Variants in LITAF observed in about 807,000 individuals in gnomAD.
LITAF encodes lipopolysaccharide-induced tumor necrosis factor-alpha factor.
A neutral mutation model predicts 14.5 loss-of-function variants in LITAF; 9 were observed. The observed-to-expected ratio is 0.62, with a 90% CI of 0.37 to 1.08. The LOEUF (loss-of-function observed/expected upper bound fraction) is 1.08, where lower values mean the gene tolerates loss of function less well. Ranked by LOEUF, LITAF falls within the 50% of genes least tolerant of loss-of-function variation. LITAF has a pLI of 0.01. For missense variants in LITAF, 206 were observed against 213.4 expected (o/e 0.97, Z 0.22); for synonymous variants, 98 against 88.2 (o/e 1.11, Z -0.62).
intron 3 of LITAF, among the ~76,000 whole-genome samples, chr16:11,609,457 A>G (rs1349894121): frequency 1.3e-5 from 2 of 151,752 alleles, no homozygotes; most frequent in Non-Finnish European, 2.9e-5. Context: ...CAAGTGATCC[A>G]CCCGTCTCGG....
chr16:11,628,882 G>T (rs2065101692), intron 3 of LITAF, among the ~76,000 whole-genome samples: 1 of 152,140 alleles, frequency 6.6e-6, no homozygotes, highest in South Asian at 2.1e-4. Flanking sequence ...CGCCATATTG[G>T]CCAGGCTGGT....
intron 3 of LITAF, among the ~76,000 whole-genome samples, chr16:11,626,747 C>T (rs2065086403): frequency 6.6e-6 from 1 of 152,240 alleles, no homozygotes; most frequent in Admixed American, 6.5e-5. Context: ...GCTAGGATTA[C>T]AGGCGTGAGC....
upstream of LITAF, among the ~76,000 whole-genome samples, chr16:11,599,641 G>T: frequency 6.6e-6 from 1 of 152,204 alleles, no homozygotes; most frequent in South Asian, 2.1e-4. Context: ...TCTCCCCAAA[G>T]CCCAGAGAGG....
intron 3 of LITAF, among the ~76,000 whole-genome samples, chr16:11,551,263 C>T (rs920742296): frequency 1.1e-4 from 16 of 152,166 alleles, no homozygotes; most frequent in Non-Finnish European, 1.9e-4. Context: ...ATCCATTCAG[C>T]AGGAATCCTA....
intron 3 of LITAF, among the ~76,000 whole-genome samples, chr16:11,609,047 G>A (rs1483431527): frequency 6.6e-6 from 1 of 152,026 alleles, no homozygotes; most frequent in East Asian, 1.9e-4. Context: ...AATTCACAGA[G>A]ACAGAAAGCG....
In LITAF at chr16:11,554,196, C is replaced by A. The variant is rs553954017; in HGVS notation, c.221-507G>T. 2.0e-5 allele frequency among the ~76,000 whole-genome samples: 3 copies of A among 152,246 alleles called. No homozygotes were observed. In the South Asian group the frequency reaches 6.2e-4, roughly 32 times the overall value. On this transcript the variant is annotated intron_variant, in intron 2 of 3. Transcript: ENST00000622633. ...GCAGTGAATCATGATTGCGCCACTG[C>A]TCTCCAGCCTGGACAACAGAGCGAC... is the stretch of plus-strand genomic sequence containing the variant.
intron 1 of LITAF, among the ~76,000 whole-genome samples, chr16:11,576,261 G>C (rs2064630786): frequency 6.6e-6 from 1 of 152,090 alleles, no homozygotes; most frequent in African/African-American, 2.4e-5. Context: ...TTGAGGTCAG[G>C]AGTTCGAGAC....
chr16:11,597,564 G>T (rs1474401554), intron 1 of LITAF, among the ~76,000 whole-genome samples: 1 of 152,164 alleles, frequency 6.6e-6, no homozygotes, highest in African/African-American at 2.4e-5. Context: ...GGCAGCAGTA[G>T]GATTTGAACC....
chr16:11,628,205 C>T (rs1335571435), intron 3 of LITAF, among the ~76,000 whole-genome samples: 2 of 152,156 alleles, frequency 1.3e-5, no homozygotes, highest in African/African-American at 2.4e-5. Context: ...TCCTGCCCAA[C>T]AGCCATGACT....
intron 3 of LITAF, among the ~76,000 whole-genome samples, chr16:11,550,716 G>A (rs1218490446): frequency 6.6e-6 from 1 of 151,676 alleles, no homozygotes; most frequent in African/African-American, 2.4e-5. Flanking sequence ...GGCTGGTCTT[G>A]AACTGCTGGC....
At chr16:11,571,463 G>A (rs2064540449) in intron 1 of LITAF, among the ~76,000 whole-genome samples, 1 of 152,158 alleles carries the variant, frequency 6.6e-6, no homozygotes, top group Non-Finnish European at 1.5e-5. Flanking sequence ...TGAGTTCAGG[G>A]TAATGAGTTA....
chr16:11,611,049 G>T (rs1395116333), intron 3 of LITAF, among the ~76,000 whole-genome samples: 1 of 152,032 alleles, frequency 6.6e-6, no homozygotes, highest in Non-Finnish European at 1.5e-5. Context: ...CCCAGATACG[G>T]TTTCCAGAAA....
At chr16:11,588,007 G>C (rs1017610476), upstream of LITAF, among the ~76,000 whole-genome samples, 1 of 152,136 alleles carries the variant, frequency 6.6e-6, no homozygotes, top group African/African-American at 2.4e-5. Flanking sequence ...GGCCCAGATA[G>C]GGAGTGTGGC....
At chr16:11,571,419 C>G (rs2064539916) in intron 1 of LITAF, among the ~76,000 whole-genome samples, 1 of 152,186 alleles carries the variant, frequency 6.6e-6, no homozygotes, top group Non-Finnish European at 1.5e-5. Context: ...GGCTCCAGAA[C>G]TGGAAGATAC....
chr16:11,612,142 C>T (rs1217574205), intron 3 of LITAF, among the ~76,000 whole-genome samples: 1 of 152,220 alleles, frequency 6.6e-6, no homozygotes, highest in African/African-American at 2.4e-5. Flanking sequence ...AGGGTGGAAA[C>T]AGGGTCTCAA....
chr16:11,616,143 T>C (rs2065018664), intron 3 of LITAF, among the ~76,000 whole-genome samples: 1 of 152,144 alleles, frequency 6.6e-6, no homozygotes, highest in Admixed American at 6.5e-5. Flanking sequence ...CCCCACCCTA[T>C]GCTCCTGTGC....
At chr16:11,637,880 C>CA (rs374814538), upstream of LITAF, among the ~76,000 whole-genome samples, 12,425 of 37,798 alleles carry the variant, frequency 0.33, 3,543 homozygotes, top group African/African-American at 0.51. Context: ...GAACCTTCCT[C>CA]AAAAAAAAAA....
intron 3 of LITAF, among the ~76,000 whole-genome samples, chr16:11,606,388 C>T (rs1476896474): frequency 6.6e-6 from 1 of 151,640 alleles, no homozygotes; most frequent in Non-Finnish European, 1.5e-5. Flanking sequence ...AGGCTGGTCT[C>T]GAACTCCTGA....
At chr16:11,588,593 AAGGG>A (rs72071151), upstream of LITAF, among the ~76,000 whole-genome samples, 297 of 146,074 alleles carry the variant, frequency 2.0e-3, 1 homozygote, top group African/African-American at 6.2e-3. Flanking sequence ...GGAAAGAAGG[AAGGG>A]AGGGAGGGAG....
Sources: allele counts gnomAD v4.1 joint callset (sites outside exome capture counted in the v4.1 genomes callset), GRCh38; gene constraint gnomAD v4.1.1; transcripts MANE v1.5; gene names NCBI Gene and HGNC (gene_info 2026-07-23, HGNC 2026-07-21).